MLLT3: variants seen among roughly 807,000 people sequenced by gnomAD.
MLLT3 encodes MLLT3 super elongation complex subunit.
MLLT3 carries 4 observed loss-of-function variants against 53.2 expected under a neutral mutation model. That is an observed-to-expected ratio of 0.08 (90% CI 0.04 to 0.17). MLLT3 has a LOEUF of 0.17. Among genes scored for constraint, MLLT3 ranks in the 10% least tolerant of loss-of-function variants. The pLI is 1.00. For missense variants in MLLT3, 569 were observed against 684.0 expected (o/e 0.83, Z 1.87); for synonymous variants, 283 against 230.6 (o/e 1.23, Z -2.06).
Position 20,365,761 on chromosome 9 carries a change from A to C in MLLT3, c.1126-17T>G. 1 of 1,614,002 alleles carries C rather than the reference A, an allele frequency of 6.2e-7. No homozygotes were observed. On this transcript the variant is annotated splice_polypyrimidine_tract_variant and intron_variant, in intron 5 of 10. Transcript: ENST00000380338. ...TTGTTCAGACTTTAAAGAAGAATAAAAAGGCACCATCAATAAATTTACGGG... is the reference window on the plus strand; with the variant it reads ...TTGTTCAGACTTTAAAGAAGAATAACAAGGCACCATCAATAAATTTACGGG...
At chr9:20,504,490 G>A (rs1040861904) in intron 2 of MLLT3, among the ~76,000 whole-genome samples, 13 of 152,198 alleles carry the variant, frequency 8.5e-5, no homozygotes, top group Admixed American at 8.5e-4. Context: ...AAATAGGCCA[G>A]ACACAGAAAG....
chr9:20,522,097 A>G (rs897785100), intron 2 of MLLT3, among the ~76,000 whole-genome samples: 2 of 151,732 alleles, frequency 1.3e-5, no homozygotes, highest in African/African-American at 4.8e-5. Flanking sequence ...TTATTTCTAG[A>G]GCCCAGAAAC....
chr9:20,503,067 T>C (rs1325716452), intron 2 of MLLT3, among the ~76,000 whole-genome samples: 1 of 152,022 alleles, frequency 6.6e-6, no homozygotes, highest in African/African-American at 2.4e-5. Context: ...CACAAATAAG[T>C]GGAAAGACAT....
chr9:20,486,893 T>G (rs1339116086), intron 2 of MLLT3, among the ~76,000 whole-genome samples: 1 of 152,140 alleles, frequency 6.6e-6, no homozygotes, highest in Non-Finnish European at 1.5e-5. Context: ...ACTTGTTGAT[T>G]AACAGAAAAT....
chr9:20,438,746 C>A (rs1314422831), intron 4 of MLLT3, among the ~76,000 whole-genome samples: 1 of 152,038 alleles, frequency 6.6e-6, no homozygotes, highest in African/African-American at 2.4e-5. Flanking sequence ...CCCAAAGACA[C>A]AATGGTCACC....
Position 20,612,238 on chromosome 9 carries a change from C to T in MLLT3, c.193+8416G>A, listed in dbSNP as rs567059480. 3.3e-5 allele frequency among the ~76,000 whole-genome samples: 5 copies of T among 152,282 alleles called. No homozygotes were observed. In the South Asian group the frequency reaches 6.2e-4, roughly 19 times the overall value. Reference sequence around the variant, plus strand: ...TGCAAGATTGCTCCACATTTCTAGGCTTCTGATTAAAAGTAAAATGAAAGG... The same window carrying T: ...TGCAAGATTGCTCCACATTTCTAGGTTTCTGATTAAAAGTAAAATGAAAGG... On this transcript the variant is annotated intron_variant, in intron 2 of 10. Transcript: ENST00000380338.
intron 2 of MLLT3, among the ~76,000 whole-genome samples, chr9:20,600,125 C>CAA (rs753042376): frequency 1.7e-3 from 148 of 88,822 alleles, no homozygotes; most frequent in African/African-American, 5.7e-3. Context: ...CAATGTTGTC[C>CAA]AAAAAAAAAA....
At chr9:20,603,975 T>C (rs1006913416) in intron 2 of MLLT3, among the ~76,000 whole-genome samples, 7 of 152,040 alleles carry the variant, frequency 4.6e-5, no homozygotes, top group Non-Finnish European at 1.0e-4. Context: ...CTTAAAATTG[T>C]TTAAGAAGTA....
chr9:20,371,983 T>A (rs1357970836), intron 5 of MLLT3, among the ~76,000 whole-genome samples: 1 of 152,160 alleles, frequency 6.6e-6, no homozygotes, highest in African/African-American at 2.4e-5. Context: ...AAAAAGCTGA[T>A]TTCAACCTTC....
chr9:20,370,895 C>A (rs1053110365), intron 5 of MLLT3, among the ~76,000 whole-genome samples: 2 of 152,122 alleles, frequency 1.3e-5, no homozygotes, highest in African/African-American at 4.8e-5. Flanking sequence ...AATGCTAGGC[C>A]TCTTGCACCA....
At chr9:20,444,465 TTAATA>T (rs1380193777) in intron 4 of MLLT3, among the ~76,000 whole-genome samples, 1 of 152,108 alleles carries the variant, frequency 6.6e-6, no homozygotes, top group Non-Finnish European at 1.5e-5. Flanking sequence ...ATATCCTCCC[TTAATA>T]TAATAACATA....
intron 2 of MLLT3, among the ~76,000 whole-genome samples, chr9:20,534,412 A>C (rs1818425318): frequency 6.6e-6 from 1 of 152,214 alleles, no homozygotes; most frequent in Non-Finnish European, 1.5e-5. Context: ...TATCAAACAG[A>C]TCATTCCAAA....
In MLLT3 at chr9:20,397,092, C is replaced by T. The variant is rs138390425; in HGVS notation, c.1125+16629G>A. On this transcript the variant is annotated intron_variant, in intron 5 of 10. Coordinates refer to ENST00000380338, the MANE Select transcript of MLLT3 (RefSeq NM_004529.4). The stretch of plus-strand genomic sequence containing the variant: ...TAAATCACACTCAATGCATTATCTA[C>T]GATCATCATTTATGAGCAAGAAGCC... 4.2e-3 allele frequency among the ~76,000 whole-genome samples: 633 copies of T among 152,234 alleles called. 4 individuals are homozygous for T. The highest frequency in any genetic ancestry group is 0.014 in the African/African-American group (596 of 41,538).
chr9:20,601,089 G>A (rs2131197482), intron 2 of MLLT3, among the ~76,000 whole-genome samples: 1 of 152,270 alleles, frequency 6.6e-6, no homozygotes, highest in Admixed American at 6.5e-5. Flanking sequence ...GCTGGGGTTT[G>A]GAGGCAAAAC....
intron 2 of MLLT3, among the ~76,000 whole-genome samples, chr9:20,488,250 T>C (rs1450995728): frequency 6.6e-6 from 1 of 152,034 alleles, no homozygotes; most frequent in Non-Finnish European, 1.5e-5. Context: ...AACTTCCAGC[T>C]TGGGGTAACA....
chr9:20,507,129 G>A (rs1825402328), intron 2 of MLLT3, among the ~76,000 whole-genome samples: 1 of 152,198 alleles, frequency 6.6e-6, no homozygotes, highest in African/African-American at 2.4e-5. Context: ...ACATTTGAAA[G>A]AGAACTGTTT....
intron 2 of MLLT3, among the ~76,000 whole-genome samples, chr9:20,567,391 T>A (rs938875919): frequency 3.3e-5 from 5 of 151,630 alleles, no homozygotes; most frequent in Admixed American, 6.6e-5. Flanking sequence ...TTAACTTTTT[T>A]AAAAGGTTAT....
intron 2 of MLLT3, among the ~76,000 whole-genome samples, chr9:20,528,758 T>C (rs187117056): frequency 6.6e-6 from 1 of 152,326 alleles, no homozygotes; most frequent in Non-Finnish European, 1.5e-5. Flanking sequence ...TCTCTTTATC[T>C]CAAGATCCTT....
intron 5 of MLLT3, among the ~76,000 whole-genome samples, chr9:20,388,185 A>C (rs1425453654): frequency 1.3e-5 from 2 of 152,236 alleles, no homozygotes; most frequent in African/African-American, 2.4e-5. Flanking sequence ...GTTTCTTTTG[A>C]ACACTTATTC....
Sources: allele counts gnomAD v4.1 joint callset (sites outside exome capture counted in the v4.1 genomes callset), GRCh38; gene constraint gnomAD v4.1.1; transcripts MANE v1.5; gene names NCBI Gene and HGNC (gene_info 2026-07-23, HGNC 2026-07-21).